ODAD2: variants seen among roughly 807,000 people sequenced by gnomAD.
ODAD2 encodes outer dynein arm docking complex subunit 2, also known as outer dynein arm-docking complex subunit 2.
ODAD2 carries 89 observed loss-of-function variants against 106.8 expected under a neutral mutation model. That is an observed-to-expected ratio of 0.83 (90% CI 0.70 to 0.99). The LOEUF (loss-of-function observed/expected upper bound fraction) is 0.99. Ranked by LOEUF, ODAD2 falls within the 50% of genes least tolerant of loss-of-function variation. The pLI, the probability that ODAD2 is intolerant of heterozygous loss-of-function variation, is 0.00. For synonymous variants in ODAD2, 404 were observed against 436.2 expected (o/e 0.93, Z 0.92); for missense variants, 1,168 against 1,238.5 (o/e 0.94, Z 0.85).
chr10:27,926,729 T>C (rs914323434), intron 16 of ODAD2, among the ~76,000 whole-genome samples: 4 of 152,144 alleles, frequency 2.6e-5, no homozygotes, highest in African/African-American at 9.7e-5. Flanking sequence ...TATGGAAAAA[T>C]AAATCATAGA....
At position 27,935,091 on chromosome 10, in the gene ODAD2, A is replaced by T; in HGVS notation, c.2414T>A (p.Leu805His). 1.2e-6 allele frequency: 2 copies of T among 1,614,006 alleles called. No individual in the cohort carries two copies. The highest frequency in any genetic ancestry group is 1.7e-6 in the Non-Finnish European group (2 of 1,179,906). Residue 805 changes from leucine (L) to histidine (H), a missense_variant, in exon 16 of 20, where the codon CTC becomes CAC. Physicochemically the swap from Leu to His is moderately conservative, Grantham distance 99. Coordinates refer to ENST00000305242, the MANE Select transcript of ODAD2 (RefSeq NM_018076.5). ...AAGAGCTTGGTTTATTCCAACAAGG[A>T]GGTTCACAAGTGGTTGAATGCCACC... ...KCGGIQPLVN[L>H]LVGINQALLV...
At chr10:27,913,866 A>T (rs1289973690) in intron 16 of ODAD2, among the ~76,000 whole-genome samples, 2 of 152,158 alleles carry the variant, frequency 1.3e-5, no homozygotes, top group Non-Finnish European at 2.9e-5. Context: ...GAAAAGGGAA[A>T]GCTTGTACAC....
At chr10:27,897,930 C>A (rs1347681686) in intron 17 of ODAD2, among the ~76,000 whole-genome samples, 1 of 151,850 alleles carries the variant, frequency 6.6e-6, no homozygotes, top group African/African-American at 2.4e-5. Context: ...ATGTTTTAGG[C>A]TGCTTGCATA....
intron 19 of ODAD2, among the ~76,000 whole-genome samples, chr10:27,855,680 T>C (rs1839604728): frequency 6.6e-6 from 1 of 152,214 alleles, no homozygotes; most frequent in South Asian, 2.1e-4. Context: ...TGGGTGTGTT[T>C]GCGTCTGGGA....
chr10:27,980,476 A>G (rs1298041853), intron 7 of ODAD2, among the ~76,000 whole-genome samples: 1 of 152,144 alleles, frequency 6.6e-6, no homozygotes, highest in Non-Finnish European at 1.5e-5. Flanking sequence ...AAAAACTACA[A>G]CAACAAAAAG....
At chr10:27,961,276 T>A (rs139514540) in intron 10 of ODAD2, among the ~76,000 whole-genome samples, 1 of 151,598 alleles carries the variant, frequency 6.6e-6, no homozygotes, top group Admixed American at 6.6e-5. Context: ...ATTTCTTCCA[T>A]ACCATACTAC....
At chr10:27,857,102 T>C (rs184467239) in intron 19 of ODAD2, among the ~76,000 whole-genome samples, 16 of 152,304 alleles carry the variant, frequency 1.1e-4, no homozygotes, top group East Asian at 1.9e-4. Context: ...AGTCCACTTA[T>C]ATGTGGATTT....
intron 19 of ODAD2, among the ~76,000 whole-genome samples, chr10:27,837,873 G>C (rs1304276175): frequency 6.6e-6 from 1 of 152,104 alleles, no homozygotes; most frequent in Admixed American, 6.5e-5. Flanking sequence ...ACTGAAATCT[G>C]CATAAGGTGT....
intron 19 of ODAD2, among the ~76,000 whole-genome samples, chr10:27,828,440 C>T (rs867096460): frequency 1.1e-4 from 16 of 152,084 alleles, no homozygotes; most frequent in Admixed American, 3.3e-4. Context: ...TGGGAAAGGC[C>T]GGGAGAAGGA....
Position 27,995,198 on chromosome 10 carries a change from G to A in ODAD2, c.-38-18C>T, listed in dbSNP as rs1850486520. On this transcript the variant is annotated intron_variant, in intron 1 of 19. Transcript: ENST00000305242. Reference sequence around the variant, plus strand: ...CACACGCACTACATCAGAGCAGAAAGAGAAAGAGACAACAGCGTCCACCTT... The same window carrying A: ...CACACGCACTACATCAGAGCAGAAAAAGAAAGAGACAACAGCGTCCACCTT... 5 of 1,589,758 alleles carry A rather than the reference G, an allele frequency of 3.1e-6. No homozygotes were observed. Among genetic ancestry groups the A allele is most frequent in the Non-Finnish European group, 4.3e-6 (5 of 1,166,524 alleles).
intron 15 of ODAD2, 125 bp downstream of exon 15, chr10:27,936,601 C>T: frequency 8.8e-7 from 1 of 1,132,806 alleles, no homozygotes; most frequent in Non-Finnish European, 1.3e-6. Flanking sequence ...ATTGGGCTAA[C>T]TTCATCCAGA....
At chr10:27,943,173 G>C (rs1289747597) in intron 12 of ODAD2, among the ~76,000 whole-genome samples, 4 of 152,188 alleles carry the variant, frequency 2.6e-5, no homozygotes, top group Non-Finnish European at 5.9e-5. Context: ...ACTTTTTAAA[G>C]ATCTTTCCTA....
chr10:27,927,189 C>T (rs1469818044), intron 16 of ODAD2, among the ~76,000 whole-genome samples: 2 of 152,006 alleles, frequency 1.3e-5, no homozygotes, highest in Non-Finnish European at 2.9e-5. Context: ...ATTTCTTATT[C>T]CTACTGAGAA....
intron 19 of ODAD2, among the ~76,000 whole-genome samples, chr10:27,819,123 C>T (rs11006728): frequency 0.022 from 3,414 of 152,262 alleles, 228 homozygotes; most frequent in East Asian, 0.22. Flanking sequence ...CTTTCCCCTT[C>T]CTATTTTGTC....
intron 17 of ODAD2, among the ~76,000 whole-genome samples, chr10:27,895,592 A>T (rs1282607206): frequency 6.6e-6 from 1 of 152,124 alleles, no homozygotes; most frequent in Admixed American, 6.6e-5. Flanking sequence ...CCTGACCTAA[A>T]CTTTAATTAA....
At chr10:27,868,391 G>A (rs983454950) in intron 17 of ODAD2, among the ~76,000 whole-genome samples, 7 of 152,054 alleles carry the variant, frequency 4.6e-5, no homozygotes, top group Non-Finnish European at 8.8e-5. Flanking sequence ...TATGTTTATC[G>A]CAGCACTATT....
At chr10:27,819,574 T>TAAAA (rs56031733) in intron 19 of ODAD2, among the ~76,000 whole-genome samples, 4 of 73,982 alleles carry the variant, frequency 5.4e-5, no homozygotes, top group African/African-American at 1.5e-4. Flanking sequence ...CCCTGTCTCT[T>TAAAA]AAAAAAAAAA....
At chr10:27,882,176 A>AGAAG (rs1841762269) in intron 17 of ODAD2, among the ~76,000 whole-genome samples, 1 of 116,782 alleles carries the variant, frequency 8.6e-6, no homozygotes, top group Non-Finnish European at 1.9e-5. Context: ...ATAAAAAAAA[A>AGAAG]GAAAGAAAGA....
At chr10:27,992,379 G>C (rs1440704240) in intron 2 of ODAD2, among the ~76,000 whole-genome samples, 1 of 152,124 alleles carries the variant, frequency 6.6e-6, no homozygotes, top group African/African-American at 2.4e-5. Context: ...TCTCAGGAGG[G>C]AACACTGTGC....
Sources: gnomAD v4.1 joint callset for allele counts (sites outside exome capture counted in the v4.1 genomes callset) on GRCh38, gnomAD v4.1.1 for gene constraint, MANE v1.5 for transcripts, NCBI Gene and HGNC (gene_info 2026-07-23, HGNC 2026-07-21) for gene names.